Variants in SLC14A2 observed in about 807,000 individuals in gnomAD.
The protein encoded by SLC14A2 is urea transporter 2.
In SLC14A2, 91 loss-of-function variants were observed where a neutral mutation model predicts 104.6. The ratio of observed to expected loss-of-function variants is 0.87; its 90% CI spans 0.73 to 1.04. The LOEUF (loss-of-function observed/expected upper bound fraction) is 1.04. Ranked by LOEUF, SLC14A2 falls within the 50% of genes least tolerant of loss-of-function variation. The pLI is 0.00. For missense variants in SLC14A2, 1,189 were observed against 1,156.0 expected, an observed-to-expected ratio of 1.03 and a Z score of -0.41; for synonymous variants, 476 against 466.4, an observed-to-expected ratio of 1.02 and a Z score of -0.27.
At chr18:45,176,591 GGAAA>G in the SLC14A2 span, among the ~76,000 whole-genome samples, 2 of 152,106 alleles carry the variant, frequency 1.3e-5, no homozygotes, top group Admixed American at 1.3e-4. Flanking sequence ...TAGAAAAATA[GGAAA>G]GAAAGGCTAA....
At chr18:45,235,867 G>GTATA (rs1255766109) in intron 1 of SLC14A2, among the ~76,000 whole-genome samples, 1 of 89,642 alleles carries the variant, frequency 1.1e-5, no homozygotes, top group Admixed American at 1.1e-4. Flanking sequence ...ATATATGTGT[G>GTATA]TATATATGTA....
At chr18:45,388,103 G>A (rs944635152) in intron 1 of SLC14A2, among the ~76,000 whole-genome samples, 1 of 111,174 alleles carries the variant, frequency 9.0e-6, no homozygotes, top group Non-Finnish European at 1.7e-5. Flanking sequence ...TTGAGACGGA[G>A]TCTCACTGTG....
At chr18:45,531,918 T>C (rs1241080514) in intron 2 of SLC14A2, among the ~76,000 whole-genome samples, 2 of 152,238 alleles carry the variant, frequency 1.3e-5, no homozygotes, top group Non-Finnish European at 2.9e-5. Flanking sequence ...TTTCTACATA[T>C]GGCTAGCCAG....
intron 1 of SLC14A2, among the ~76,000 whole-genome samples, chr18:45,621,753 T>A (rs2045174666): frequency 6.6e-6 from 1 of 152,128 alleles, no homozygotes. Flanking sequence ...AATATACAAA[T>A]CTGCTATAAG....
chr18:45,242,127 G>T (rs571321506), intron 1 of SLC14A2, among the ~76,000 whole-genome samples: 1 of 152,094 alleles, frequency 6.6e-6, no homozygotes, highest in Non-Finnish European at 1.5e-5. Context: ...CCAGGTCCTG[G>T]GGGAGGTGGC....
chr18:45,328,795 G>A (rs1188691368), intron 1 of SLC14A2, among the ~76,000 whole-genome samples: 1 of 152,162 alleles, frequency 6.6e-6, no homozygotes, highest in African/African-American at 2.4e-5. Context: ...ATTATGAAAA[G>A]CACATTGCAA....
intron 1 of SLC14A2, among the ~76,000 whole-genome samples, chr18:45,479,455 G>A (rs949111241): frequency 2.6e-5 from 4 of 152,116 alleles, no homozygotes; most frequent in East Asian, 1.9e-4. Context: ...TTGCAACAGC[G>A]TAATAAAGCA....
intron 1 of SLC14A2, among the ~76,000 whole-genome samples, chr18:45,467,701 C>T (rs2087169534): frequency 6.6e-6 from 1 of 152,204 alleles, no homozygotes; most frequent in South Asian, 2.1e-4. Context: ...TAAAGGGTGA[C>T]TCCAGCATCC....
chr18:45,422,088 G>T (rs1171751174), intron 1 of SLC14A2, among the ~76,000 whole-genome samples: 1 of 152,216 alleles, frequency 6.6e-6, no homozygotes, highest in Admixed American at 6.5e-5. Flanking sequence ...AGAAGGTAGG[G>T]CCAAAGAGGC....
chr18:45,444,776 T>G (rs1255764117), intron 1 of SLC14A2, among the ~76,000 whole-genome samples: 1 of 152,190 alleles, frequency 6.6e-6, no homozygotes, highest in Non-Finnish European at 1.5e-5. Context: ...CAGGTAGGTG[T>G]GCATCGACAG....
intron 2 of SLC14A2, among the ~76,000 whole-genome samples, chr18:45,556,757 C>G (rs2044138367): frequency 6.6e-6 from 1 of 152,190 alleles, no homozygotes; most frequent in Non-Finnish European, 1.5e-5. Context: ...CTGTATATAG[C>G]TAAATCCACA....
At chr18:45,520,085 C>T (rs189722889) in intron 2 of SLC14A2, among the ~76,000 whole-genome samples, 29 of 152,226 alleles carry the variant, frequency 1.9e-4, no homozygotes, top group East Asian at 1.2e-3. Context: ...GGTTGAAGTA[C>T]GTAGAGGGTG....
intron 1 of SLC14A2, among the ~76,000 whole-genome samples, chr18:45,341,766 T>G (rs1329821868): frequency 6.6e-6 from 1 of 151,960 alleles, no homozygotes; most frequent in Non-Finnish European, 1.5e-5. Context: ...TTTTTGTATT[T>G]TTAATAAAGA....
At chr18:45,504,692 G>A (rs770208074) in intron 2 of SLC14A2, among the ~76,000 whole-genome samples, 1 of 152,162 alleles carries the variant, frequency 6.6e-6, no homozygotes, top group Non-Finnish European at 1.5e-5. Flanking sequence ...GGATACCTGG[G>A]CCTGGCAGCA....
chr18:45,203,418 T>G, the SLC14A2 span, among the ~76,000 whole-genome samples: 1 of 152,342 alleles, frequency 6.6e-6, no homozygotes, highest in East Asian at 1.9e-4. Flanking sequence ...TTTAATGTTG[T>G]TTCTTCTTGC....
rs1164014477 is a variant in SLC14A2 at position 45,627,102 on chromosome 18, G to A, written c.476G>A (p.Gly159Glu). 2 of 1,614,120 alleles carry A rather than the reference G, an allele frequency of 1.2e-6. No individual in the cohort carries two copies. The highest frequency in any genetic ancestry group is 1.7e-6 in the Non-Finnish European group (2 of 1,180,018). The change falls in exon 4 of 20, where the codon GGG (glycine) becomes GAG (glutamate). Residue 159 changes from glycine to glutamate, a missense_variant. By Grantham distance (98) the Gly-to-Glu change is moderately conservative. Coordinates refer to ENST00000255226, the MANE Select transcript of SLC14A2 (RefSeq NM_007163.4). ...NPWWTITGGL[G>E]TVVSTLTALA... is the part of the protein sequence containing the mutation. ...TGGTGGACAATCACTGGGGGCCTGG[G>A]GACAGTGGTCTCGACCTTAACAGCT... is the stretch of plus-strand genomic sequence containing the variant.
At chr18:45,560,573 A>G (rs1280751585) in intron 2 of SLC14A2, among the ~76,000 whole-genome samples, 1 of 152,162 alleles carries the variant, frequency 6.6e-6, no homozygotes, top group East Asian at 1.9e-4. Context: ...GAGACAAACA[A>G]TCCCCTTGCA....
chr18:45,636,049 G>C (rs1280306047), intron 5 of SLC14A2, among the ~76,000 whole-genome samples: 1 of 152,198 alleles, frequency 6.6e-6, no homozygotes, highest in African/African-American at 2.4e-5. Flanking sequence ...GGTTGGCGGA[G>C]GCTAAAGGGA....
intron 1 of SLC14A2, among the ~76,000 whole-genome samples, chr18:45,472,131 G>A (rs1013843374): frequency 2.6e-5 from 4 of 152,066 alleles, no homozygotes; most frequent in African/African-American, 9.7e-5. Context: ...TGCAGTGTTT[G>A]GTTTACAGTT....
Sources: allele counts gnomAD v4.1 joint callset (sites outside exome capture counted in the v4.1 genomes callset), GRCh38; gene constraint gnomAD v4.1.1; transcripts MANE v1.5; gene names NCBI Gene and HGNC (gene_info 2026-07-23, HGNC 2026-07-21).